The following TLK1 variants were observed in gnomAD, a reference collection of about 807,000 sequenced individuals.
The protein encoded by TLK1 is serine/threonine-protein kinase tousled-like 1.
TLK1 carries 24 observed loss-of-function variants against 105.3 expected under a neutral mutation model. The observed-to-expected ratio is 0.23, with a 90% confidence interval of 0.17 to 0.32. The LOEUF (loss-of-function observed/expected upper bound fraction) is 0.32, where lower values mean the gene tolerates loss of function less well. Ranked by LOEUF, TLK1 falls within the 10% of genes least tolerant of loss-of-function variation. The pLI is 1.00. For missense variants in TLK1, 558 were observed against 910.5 expected (o/e 0.61, Z 4.98); for synonymous variants, 321 against 310.4 (o/e 1.03, Z -0.36).
chr2:171,180,934 T>C (rs1451338010), intron 1 of TLK1, among the ~76,000 whole-genome samples: 2 of 151,944 alleles, frequency 1.3e-5, no homozygotes, highest in African/African-American at 4.8e-5. Context: ...GTTCAGAGAC[T>C]TGGGGCTTTA....
Position 171,081,571 on chromosome 2 carries a change from A to G in TLK1, c.330+1210T>C. 2.9e-6 allele frequency: 3 copies of G among 1,039,260 alleles called. No individual in the cohort carries two copies. The South Asian group carries it at 4.8e-5, about 17-fold the overall frequency. 64.4% of individuals were successfully genotyped at this position (1,039,260 alleles called of 1,614,324 possible). On this transcript the variant is annotated intron_variant, in intron 3 of 20. Coordinates refer to ENST00000431350, the MANE Select transcript of TLK1 (RefSeq NM_012290.5). ...CTAAACCTACAATTTTCAAAGGCTTAGTATAAGTATGTTAATTTTTTAAAA... is the reference window on the plus strand; with the variant it reads ...CTAAACCTACAATTTTCAAAGGCTTGGTATAAGTATGTTAATTTTTTAAAA...
At chr2:171,112,912 A>G (rs955372102) in intron 2 of TLK1, among the ~76,000 whole-genome samples, 1 of 152,186 alleles carries the variant, frequency 6.6e-6, no homozygotes, top group Non-Finnish European at 1.5e-5. Flanking sequence ...GGATAACCTA[A>G]TCTTACAAAG....
At chr2:171,129,442 G>T (rs1691006055) in intron 1 of TLK1, among the ~76,000 whole-genome samples, 1 of 152,122 alleles carries the variant, frequency 6.6e-6, no homozygotes, top group Admixed American at 6.5e-5. Flanking sequence ...CTTTACAGCA[G>T]GTAAGTAGAT....
rs1687617697 is a variant in TLK1 at position 171,058,790 on chromosome 2, T to A, written c.407-593A>T. Among the ~76,000 whole-genome samples the A allele has an allele frequency of 2.0e-5, 3 of 152,288 alleles. No individual in the cohort carries two copies. In the South Asian group the frequency reaches 6.2e-4, roughly 32 times the overall value. Reference sequence around the variant, plus strand: ...TTTAAATTAAGAACTTGCTAAGAAATACAATGTTTAGAGATGCTTTCTTGG... The same window carrying A: ...TTTAAATTAAGAACTTGCTAAGAAAAACAATGTTTAGAGATGCTTTCTTGG... On this transcript the variant is annotated intron_variant, in intron 4 of 20. Coordinates refer to ENST00000431350, the MANE Select transcript of TLK1 (RefSeq NM_012290.5).
intron 2 of TLK1, among the ~76,000 whole-genome samples, chr2:171,113,296 G>T (rs1690263857): frequency 6.8e-6 from 1 of 147,130 alleles, no homozygotes; most frequent in Admixed American, 6.8e-5. Flanking sequence ...TTGAGACAGT[G>T]TCTCACTCTT....
intron 6 of TLK1, among the ~76,000 whole-genome samples, chr2:171,056,064 C>A (rs978292598): frequency 2.6e-5 from 4 of 151,934 alleles, no homozygotes; most frequent in Non-Finnish European, 5.9e-5. Flanking sequence ...ACATACCCTG[C>A]CTTTTTCTTA....
At chr2:171,133,789 A>C (rs946550414) in intron 1 of TLK1, among the ~76,000 whole-genome samples, 1 of 151,306 alleles carries the variant, frequency 6.6e-6, no homozygotes, top group Non-Finnish European at 1.5e-5. Flanking sequence ...TTGAGTGTAC[A>C]TAATGAGGTA....
At chr2:171,109,748 A>G (rs1575601920) in intron 2 of TLK1, among the ~76,000 whole-genome samples, 1 of 152,216 alleles carries the variant, frequency 6.6e-6, no homozygotes, top group East Asian at 1.9e-4. Context: ...ATACCACTCT[A>G]CTAAATGCAT....
At chr2:171,006,726 A>G (rs1385311599) in intron 16 of TLK1, 74 bp downstream of exon 16, 1 of 1,591,574 alleles carries the variant, frequency 6.3e-7, no homozygotes, top group Admixed American at 1.7e-5. Context: ...GAGTATTTAT[A>G]TCATCAACAC....
At chr2:171,000,321 G>A (rs536855030) in intron 18 of TLK1, among the ~76,000 whole-genome samples, 2 of 143,070 alleles carry the variant, frequency 1.4e-5, no homozygotes, top group East Asian at 4.2e-4. Context: ...AGAGGTTGCA[G>A]TGAACCAAGA....
chr2:171,055,522 T>C (rs1167889058), intron 6 of TLK1, among the ~76,000 whole-genome samples: 1 of 151,946 alleles, frequency 6.6e-6, no homozygotes, highest in African/African-American at 2.4e-5. Flanking sequence ...ATGATTATGA[T>C]AGTTGAAAAA....
intron 13 of TLK1, among the ~76,000 whole-genome samples, chr2:171,012,951 T>C (rs1338309746): frequency 1.3e-5 from 2 of 152,294 alleles, no homozygotes; most frequent in South Asian, 2.1e-4. Context: ...TCCACAAAAT[T>C]TGAAATGTAA....
intron 1 of TLK1, among the ~76,000 whole-genome samples, chr2:171,212,012 A>AT (rs1364983975): frequency 6.6e-6 from 1 of 150,826 alleles, no homozygotes; most frequent in Non-Finnish European, 1.5e-5. Context: ...CGCCCAGCTA[A>AT]TTTTTTGTAC....
chr2:171,144,068 G>T (rs998678617), intron 1 of TLK1, among the ~76,000 whole-genome samples: 4 of 152,022 alleles, frequency 2.6e-5, no homozygotes, highest in African/African-American at 9.7e-5. Context: ...TTTAAAAACT[G>T]GTGTTTTGAG....
chr2:171,179,818 G>A (rs762978656), intron 1 of TLK1, among the ~76,000 whole-genome samples: 12 of 152,052 alleles, frequency 7.9e-5, no homozygotes, highest in Non-Finnish European at 1.8e-4. Flanking sequence ...ATTAGGCCGG[G>A]CATGGTGGCT....
At chr2:171,104,679 C>A (rs1240060571) in intron 2 of TLK1, among the ~76,000 whole-genome samples, 1 of 152,178 alleles carries the variant, frequency 6.6e-6, no homozygotes, top group African/African-American at 2.4e-5. Context: ...CCATGTTGGC[C>A]AGGCTGGTCT....
intron 12 of TLK1, among the ~76,000 whole-genome samples, chr2:171,027,276 T>C (rs191816683): frequency 6.6e-6 from 1 of 152,080 alleles, no homozygotes; most frequent in East Asian, 1.9e-4. Context: ...TTTAAAAAAT[T>C]GAAAGAACCT....
rs770675119 is a variant in TLK1 at position 171,026,454 on chromosome 2, C to T, written c.1236+1885G>A. Among the ~76,000 whole-genome samples the T allele has an allele frequency of 2.0e-5, 3 of 152,050 alleles. No homozygotes were observed. In the South Asian group the frequency reaches 6.2e-4, roughly 31 times the overall value. ...TTTTTGTAATACAAATAGCCAATTC[C>T]TAATTTAACTGCTCTACAATTTCAG... On this transcript the variant is annotated intron_variant, in intron 12 of 20. Transcript: ENST00000431350.
At chr2:171,066,326 G>A (rs1034253325) in intron 3 of TLK1, among the ~76,000 whole-genome samples, 2 of 152,132 alleles carry the variant, frequency 1.3e-5, no homozygotes, top group Non-Finnish European at 2.9e-5. Context: ...AATTTGGAGT[G>A]TAGTATATTT....
Sources: gnomAD v4.1 joint callset for allele counts (sites outside exome capture counted in the v4.1 genomes callset) on GRCh38, gnomAD v4.1.1 for gene constraint, MANE v1.5 for transcripts, NCBI Gene and HGNC (gene_info 2026-07-23, HGNC 2026-07-21) for gene names.